Variants in APBB2 observed in about 807,000 individuals in gnomAD.
APBB2 encodes the protein Fe65-like 1.
Under a neutral mutation model 82.5 loss-of-function variants are expected in APBB2, and 38 were observed. That is an observed-to-expected ratio of 0.46 (90% CI 0.36 to 0.60). The LOEUF (loss-of-function observed/expected upper bound fraction) is 0.60, where lower values mean the gene tolerates loss of function less well. Ranked by LOEUF, APBB2 falls within the 20% of genes least tolerant of loss-of-function variation. The probability of loss-of-function intolerance (pLI) is 0.00; values close to 1 mark genes in which losing one functional copy is unlikely to be tolerated. For synonymous variants in APBB2, 341 were observed against 368.2 expected, an observed-to-expected ratio of 0.93 and a Z score of 0.85; for missense variants, 772 against 972.3, an observed-to-expected ratio of 0.79 and a Z score of 2.74.
chr4:40,872,456 T>A (rs1671668897), intron 12 of APBB2, among the ~76,000 whole-genome samples: 1 of 152,198 alleles, frequency 6.6e-6, no homozygotes, highest in South Asian at 2.1e-4. Context: ...AAGTGCTTCA[T>A]GGGACTCATG....
At chr4:41,038,777 C>A (rs1720245368) in intron 4 of APBB2, among the ~76,000 whole-genome samples, 1 of 152,142 alleles carries the variant, frequency 6.6e-6, no homozygotes, top group African/African-American at 2.4e-5. Flanking sequence ...ATAATATAAC[C>A]TATCTGAACA....
At chr4:40,972,986 T>C (rs1578867854) in intron 6 of APBB2, among the ~76,000 whole-genome samples, 1 of 152,234 alleles carries the variant, frequency 6.6e-6, no homozygotes, top group Admixed American at 6.5e-5. Context: ...GAAGTATTTG[T>C]TGAGAACCAG....
intron 12 of APBB2, 105 bp downstream of exon 12, chr4:40,890,259 A>C (rs1771582123): frequency 4.9e-6 from 7 of 1,426,392 alleles, no homozygotes; most frequent in Non-Finnish European, 6.6e-6. Flanking sequence ...TATAGAAGCT[A>C]CATGAGTTTC....
intron 5 of APBB2, among the ~76,000 whole-genome samples, chr4:41,030,097 A>G (rs1204438033): frequency 6.6e-6 from 1 of 152,162 alleles, no homozygotes; most frequent in Non-Finnish European, 1.5e-5. Context: ...CGAAGGTTGC[A>G]GTGAGCTGAG....
chr4:40,996,434 C>T (rs1044268122), intron 6 of APBB2, among the ~76,000 whole-genome samples: 2 of 152,284 alleles, frequency 1.3e-5, no homozygotes, highest in Admixed American at 6.5e-5. Flanking sequence ...AGGACATACA[C>T]GAGTCCCAGA....
chr4:40,975,326 C>CT (rs1293382533), intron 6 of APBB2, among the ~76,000 whole-genome samples: 1 of 152,170 alleles, frequency 6.6e-6, no homozygotes, highest in Non-Finnish European at 1.5e-5. Flanking sequence ...AACAGGGAAT[C>CT]TATCTTTGGT....
chr4:41,014,067 G>T lies in APBB2; in HGVS notation c.351C>A (p.Asp117Glu). ...LRKAAEQGQQDPNKNLSPTAV... is the reference protein window; with the variant it reads ...LRKAAEQGQQEPNKNLSPTAV... Reference sequence around the variant, plus strand: ...CAGTGGGGCTCAGGTTTTTGTTGGGGTCCTGCTGCCCTTGCTCTGCAGCCT... The same window carrying T: ...CAGTGGGGCTCAGGTTTTTGTTGGGTTCCTGCTGCCCTTGCTCTGCAGCCT... Residue 117 changes from aspartate (D) to glutamate (E), a missense_variant, in exon 6 of 18, where the codon GAC (aspartate) becomes GAA (glutamate). Transcript: ENST00000508593. The T allele has an allele frequency of 6.2e-7, 1 of 1,614,160 alleles. No individual in the cohort carries two copies. Among genetic ancestry groups the T allele is most frequent in the Non-Finnish European group, 8.5e-7 (1 of 1,180,032 alleles).
chr4:40,879,700 T>C (rs1018302517), intron 12 of APBB2, among the ~76,000 whole-genome samples: 22 of 151,736 alleles, frequency 1.4e-4, no homozygotes, highest in African/African-American at 5.3e-4. Context: ...TTCTTTCTTT[T>C]TTTTTTTTTG....
At chr4:41,174,702 C>T (rs550935561) in intron 1 of APBB2, among the ~76,000 whole-genome samples, 1 of 152,314 alleles carries the variant, frequency 6.6e-6, no homozygotes, top group Non-Finnish European at 1.5e-5. Flanking sequence ...TTGTGAGGTA[C>T]ATGCAGCACC....
Position 41,159,985 on chromosome 4 carries a change from A to G in APBB2, c.-416-16843T>C, listed in dbSNP as rs896086082. ...GGAGAAGAAGAAGAAGAAGAAGAAG[A>G]AGAAGAAGAAGAAGAAGAAGAAGAA... On this transcript the variant is annotated intron_variant, in intron 1 of 17. Coordinates refer to ENST00000508593, the MANE Select transcript of APBB2 (RefSeq NM_004307.2). 7.7e-4 allele frequency among the ~76,000 whole-genome samples: 105 copies of G among 136,408 alleles called. 5 individuals carry two copies. The highest frequency in any genetic ancestry group is 3.6e-3 in the Middle Eastern group (1 of 280). The allele number at this position is 136,408 out of a possible 152,430, so 89.5% of individuals were successfully genotyped here.
At chr4:41,088,105 CATGTGAAACCATT>C (rs549362462) in intron 3 of APBB2, among the ~76,000 whole-genome samples, 4 of 152,280 alleles carry the variant, frequency 2.6e-5, no homozygotes, top group Admixed American at 6.5e-5. Context: ...AATCATGTTA[CATGTGAAACCATT>C]TAATGGATAA....
At chr4:41,201,934 A>G (rs1206452374) in intron 1 of APBB2, among the ~76,000 whole-genome samples, 2 of 152,206 alleles carry the variant, frequency 1.3e-5, no homozygotes, top group East Asian at 3.8e-4. Flanking sequence ...CTTGGTGTCA[A>G]GTTCAGGTGA....
At chr4:41,041,082 G>A (rs749423856) in intron 4 of APBB2, among the ~76,000 whole-genome samples, 30 of 151,948 alleles carry the variant, frequency 2.0e-4, no homozygotes, top group African/African-American at 2.4e-4. Context: ...GGGTTTCACC[G>A]TGTTAGCCAG....
intron 10 of APBB2, among the ~76,000 whole-genome samples, chr4:40,894,465 G>C (rs911252932): frequency 3.9e-5 from 6 of 152,166 alleles, no homozygotes; most frequent in Non-Finnish European, 7.3e-5. Context: ...TGAATTAACT[G>C]CATGTTAGGC....
At chr4:41,133,617 G>C (rs1038626713) in intron 2 of APBB2, among the ~76,000 whole-genome samples, 1 of 151,786 alleles carries the variant, frequency 6.6e-6, no homozygotes, top group African/African-American at 2.4e-5. Flanking sequence ...CAGACACAGC[G>C]ACAGGAAAAG....
At chr4:40,874,867 T>TGTTA (rs1766467939) in intron 12 of APBB2, among the ~76,000 whole-genome samples, 1 of 152,190 alleles carries the variant, frequency 6.6e-6, no homozygotes, top group African/African-American at 2.4e-5. Context: ...CTCAAAAACT[T>TGTTA]CTTAGAAAAT....
intron 6 of APBB2, among the ~76,000 whole-genome samples, chr4:40,983,110 C>T (rs935596321): frequency 2.0e-5 from 3 of 152,202 alleles, no homozygotes; most frequent in African/African-American, 7.2e-5. Flanking sequence ...CTAAGTACTT[C>T]ATGTCTATTA....
chr4:41,167,820 C>T (rs1176119186), intron 1 of APBB2, among the ~76,000 whole-genome samples: 1 of 152,174 alleles, frequency 6.6e-6, no homozygotes, highest in Non-Finnish European at 1.5e-5. Context: ...AGAACAAAGA[C>T]ACACATCATT....
At chr4:40,988,488 A>G (rs1253293159) in intron 6 of APBB2, among the ~76,000 whole-genome samples, 1 of 151,788 alleles carries the variant, frequency 6.6e-6, no homozygotes, top group Non-Finnish European at 1.5e-5. Flanking sequence ...ATACAAAAAA[A>G]TTAGCCAGGC....
Sources: allele counts gnomAD v4.1 joint callset (sites outside exome capture counted in the v4.1 genomes callset), GRCh38; gene constraint gnomAD v4.1.1; transcripts MANE v1.5; gene names NCBI Gene and HGNC (gene_info 2026-07-23, HGNC 2026-07-21).